GNAI1: variants seen among roughly 807,000 people sequenced by gnomAD.
The protein encoded by GNAI1 is guanine nucleotide-binding protein G(i) subunit alpha-1.
GNAI1 carries 11 observed loss-of-function variants against 38.9 expected under a neutral mutation model. That is an observed-to-expected ratio of 0.28 (90% CI 0.18 to 0.47). The LOEUF is 0.47. Among genes scored for constraint, GNAI1 ranks in the 20% least tolerant of loss-of-function variants. The pLI is 0.99. For missense variants in GNAI1, 317 were observed against 436.9 expected, an observed-to-expected ratio of 0.73 and a Z score of 2.45; for synonymous variants, 166 against 145.1, an observed-to-expected ratio of 1.14 and a Z score of -1.04.
intron 1 of GNAI1, among the ~76,000 whole-genome samples, chr7:80,180,254 G>T (rs1389757521): frequency 1.3e-5 from 2 of 152,044 alleles, no homozygotes; most frequent in South Asian, 2.1e-4. Flanking sequence ...ATGTATAATT[G>T]TCATAGGAAG....
At chr7:80,147,244 C>T (rs576145327) in intron 1 of GNAI1, among the ~76,000 whole-genome samples, 1 of 151,872 alleles carries the variant, frequency 6.6e-6, no homozygotes, top group Non-Finnish European at 1.5e-5. Flanking sequence ...TATTTGTATT[C>T]CCCCAAAATT....
intron 3 of GNAI1, among the ~76,000 whole-genome samples, chr7:80,193,437 C>A (rs1788515014): frequency 1.3e-5 from 2 of 152,146 alleles, no homozygotes; most frequent in Admixed American, 1.3e-4. Flanking sequence ...AAATTGTTTT[C>A]AAGGCTTGCA....
At chr7:80,160,140 A>G (rs909350529) in intron 1 of GNAI1, among the ~76,000 whole-genome samples, 6 of 151,834 alleles carry the variant, frequency 4.0e-5, no homozygotes, top group African/African-American at 1.5e-4. Context: ...TATCACATCA[A>G]CACTCTACAA....
At chr7:80,202,484 A>G (rs1215056979) in intron 4 of GNAI1, among the ~76,000 whole-genome samples, 4 of 152,194 alleles carry the variant, frequency 2.6e-5, no homozygotes, top group Non-Finnish European at 4.4e-5. Flanking sequence ...AAATCTTGCC[A>G]TGGCTTGTTT....
At chr7:80,162,920 T>A (rs1787948791) in intron 1 of GNAI1, among the ~76,000 whole-genome samples, 1 of 152,200 alleles carries the variant, frequency 6.6e-6, no homozygotes, top group Non-Finnish European at 1.5e-5. Context: ...TCTGCATTGT[T>A]TGATGTTAAT....
At chr7:80,187,551 T>C (rs1380594854) in intron 1 of GNAI1, 1 of 152,262 alleles carries the variant, frequency 6.6e-6, no homozygotes. Context: ...TGTTTGAAGA[T>C]GTGTGGCATG....
chr7:80,212,751 C>T lies in GNAI1; in HGVS notation c.756C>T (p.Ser252=). ...ATGAAAGCATGAAATTGTTTGACAG[C>T]ATATGTAACAACAAGTGGTTTACAG... ...RMHESMKLFD[S]ICNNKWFTDT... Residue 252 remains serine (S), a synonymous_variant, in exon 7 of 8, where the codon AGC becomes AGT. Transcript: ENST00000649796. 1 of 1,557,306 alleles carries T rather than the reference C, an allele frequency of 6.4e-7. No homozygotes were observed.
chr7:80,224,826 AT>A lies in GNAI1; in HGVS notation c.*7334del, dbSNP rs1372544639. ...CAGATACACAGAATTTAAAAATTAC[AT>A]GTTGAACTGATTTGTGATATATTGG... On this transcript the variant is annotated 3_prime_UTR_variant, in exon 8 of 8. Coordinates refer to ENST00000649796, the MANE Select transcript of GNAI1 (RefSeq NM_002069.6). 6.6e-6 allele frequency among the ~76,000 whole-genome samples: 1 copy of A among 152,190 alleles called. No individual in the cohort carries two copies. The highest frequency in any genetic ancestry group is 2.4e-5 in the African/African-American group (1 of 41,446).
chr7:80,183,068 T>TC (rs2115609279), intron 1 of GNAI1, among the ~76,000 whole-genome samples: 1 of 152,286 alleles, frequency 6.6e-6, no homozygotes, highest in Non-Finnish European at 1.5e-5. Flanking sequence ...AAGAGATGGC[T>TC]CCCAGGTCCT....
At chr7:80,151,445 T>C (rs765248733) in intron 1 of GNAI1, among the ~76,000 whole-genome samples, 4 of 152,120 alleles carry the variant, frequency 2.6e-5, no homozygotes, top group Non-Finnish European at 4.4e-5. Context: ...AATAGAGTTC[T>C]CATTAACATG....
intron 7 of GNAI1, among the ~76,000 whole-genome samples, chr7:80,216,934 G>A (rs1344021204): frequency 1.3e-5 from 2 of 152,026 alleles, no homozygotes; most frequent in Non-Finnish European, 2.9e-5. Flanking sequence ...TCCACCATTG[G>A]GCCAGAACTG....
intron 7 of GNAI1, 58 bp from the exon 8 acceptor site, chr7:80,217,244 TA>T: frequency 1.8e-6 from 2 of 1,093,796 alleles, no homozygotes; most frequent in South Asian, 1.7e-5. Context: ...CTGAATTCAG[TA>T]TTTTAAGCAG....
chr7:80,223,388 G>T lies in GNAI1; in HGVS notation c.*5895G>T, dbSNP rs1789112781. 6.6e-6 allele frequency among the ~76,000 whole-genome samples: 1 copy of T among 152,126 alleles called. No individual in the cohort carries two copies. The highest frequency in any genetic ancestry group is 2.1e-4 in the South Asian group (1 of 4,832). On this transcript the variant is annotated 3_prime_UTR_variant, in exon 8 of 8. Transcript: ENST00000649796. ...AATGTTTGTACAATTTCAGTGTAAAGCTAGTCTTCAAAATAAACCACTGTG... is the reference window on the plus strand; with the variant it reads ...AATGTTTGTACAATTTCAGTGTAAATCTAGTCTTCAAAATAAACCACTGTG...
intron 1 of GNAI1, among the ~76,000 whole-genome samples, chr7:80,157,105 C>T (rs1787832047): frequency 6.6e-6 from 1 of 152,152 alleles, no homozygotes; most frequent in African/African-American, 2.4e-5. Context: ...CTCTGTACTC[C>T]TCGTATTTAT....
rs1216395742 is a variant in GNAI1 at position 80,218,759 on chromosome 7, C to T, written c.*1266C>T. On this transcript the variant is annotated 3_prime_UTR_variant, in exon 8 of 8. Coordinates refer to ENST00000649796, the MANE Select transcript of GNAI1 (RefSeq NM_002069.6). ...TCTGAGAATGAAATGGACGATTACA[C>T]TTAGAAAATGAGTAATAGTGTTTAA... The T allele has an allele frequency of 1.3e-5, 2 of 152,018 alleles. No individual in the cohort carries two copies. Among genetic ancestry groups the T allele is most frequent in the Admixed American group, 1.3e-4 (2 of 15,260 alleles). The allele number at this position is 152,018 out of a possible 1,614,324, so 9.4% of individuals were successfully genotyped here.
At chr7:80,204,269 A>G (rs1182236729) in intron 5 of GNAI1, among the ~76,000 whole-genome samples, 3 of 152,108 alleles carry the variant, frequency 2.0e-5, no homozygotes, top group Non-Finnish European at 2.9e-5. Flanking sequence ...AGTTTTCTTC[A>G]TAGGGAACTT....
intron 1 of GNAI1, among the ~76,000 whole-genome samples, chr7:80,137,268 G>A (rs1180292939): frequency 1.4e-5 from 2 of 147,504 alleles, no homozygotes; most frequent in Non-Finnish European, 3.0e-5. Context: ...AGAAATTATG[G>A]AATTCTTATT....
chr7:80,205,912 G>A (rs548356321), intron 5 of GNAI1, among the ~76,000 whole-genome samples: 64 of 152,064 alleles, frequency 4.2e-4, no homozygotes, highest in African/African-American at 1.5e-3. Context: ...TTATGGATTA[G>A]GCTTTGCTTC....
intron 4 of GNAI1, among the ~76,000 whole-genome samples, chr7:80,201,680 C>T (rs528883720): frequency 1.3e-5 from 2 of 152,112 alleles, no homozygotes; most frequent in South Asian, 4.2e-4. Context: ...GCTATGACTG[C>T]ACAGCTGTAT....
Sources: allele counts gnomAD v4.1 joint callset (sites outside exome capture counted in the v4.1 genomes callset), GRCh38; gene constraint gnomAD v4.1.1; transcripts MANE v1.5; gene names NCBI Gene and HGNC (gene_info 2026-07-23, HGNC 2026-07-21).